NAALADL2: variants seen among roughly 807,000 people sequenced by gnomAD.
The protein encoded by NAALADL2 is inactive N-acetylated-alpha-linked acidic dipeptidase-like protein 2.
NAALADL2 carries 76 observed loss-of-function variants against 87.2 expected under a neutral mutation model. The ratio of observed to expected loss-of-function variants is 0.87; its 90% CI spans 0.72 to 1.05. The LOEUF (loss-of-function observed/expected upper bound fraction) is 1.05. Ranked by LOEUF, NAALADL2 falls within the 50% of genes least tolerant of loss-of-function variation. NAALADL2 has a pLI of 0.00. For synonymous variants in NAALADL2, 354 were observed against 331.0 expected (o/e 1.07, Z -0.75); for missense variants, 1,089 against 945.8 (o/e 1.15, Z -1.99).
At chr3:174,703,956 G>T (rs1729820689) in intron 2 of NAALADL2, among the ~76,000 whole-genome samples, 1 of 152,130 alleles carries the variant, frequency 6.6e-6, no homozygotes, top group African/African-American at 2.4e-5. Context: ...TGAATGCTAA[G>T]TGCTTTACCT....
At chr3:175,069,840 T>G (rs1189339776) in intron 1 of NAALADL2, among the ~76,000 whole-genome samples, 9 of 142,928 alleles carry the variant, frequency 6.3e-5, no homozygotes, top group South Asian at 2.2e-4. Flanking sequence ...CCATAAAAAA[T>G]GATGAGTTCA....
intron 9 of NAALADL2, among the ~76,000 whole-genome samples, chr3:175,504,565 TTCTCTCTCTCTCTCTCTC>T (rs200985901): frequency 0.047 from 6,337 of 134,332 alleles, 191 homozygotes; most frequent in East Asian, 0.081. Flanking sequence ...CTCTCTCTGT[TTCTCTCTCTCTCTCTCTC>T]TCTCTCTCTC....
intron 7 of NAALADL2, 144 bp from the exon 8 acceptor site, chr3:175,466,835 G>T (rs1367924487): frequency 4.5e-6 from 3 of 669,110 alleles, no homozygotes; most frequent in Non-Finnish European, 5.1e-6. Flanking sequence ...AAGACAGTGA[G>T]CAAAAAAATT....
At chr3:175,531,557 C>T (rs4416392) in intron 9 of NAALADL2, among the ~76,000 whole-genome samples, 1 of 152,080 alleles carries the variant, frequency 6.6e-6, no homozygotes, top group South Asian at 2.1e-4. Context: ...AGGTCTCTCT[C>T]AATAAGATTA....
intron 9 of NAALADL2, among the ~76,000 whole-genome samples, chr3:175,480,364 C>T (rs1447553805): frequency 1.3e-5 from 2 of 151,748 alleles, no homozygotes; most frequent in Non-Finnish European, 2.9e-5. Flanking sequence ...ATATCAATGG[C>T]AACCATCTCA....
chr3:175,532,529 C>T (rs1475788788), intron 9 of NAALADL2, among the ~76,000 whole-genome samples: 2 of 152,146 alleles, frequency 1.3e-5, no homozygotes, highest in South Asian at 2.1e-4. Context: ...TTTGTCCATT[C>T]GACCTAGAAG....
At chr3:174,701,190 TTTATAA>T (rs1482031787) in intron 2 of NAALADL2, among the ~76,000 whole-genome samples, 2 of 151,040 alleles carry the variant, frequency 1.3e-5, no homozygotes, top group African/African-American at 4.9e-5. Context: ...ATTTGATAAT[TTTATAA>T]TTATAATATT....
At chr3:175,670,321 G>A (rs1035909714) in intron 11 of NAALADL2, among the ~76,000 whole-genome samples, 2 of 149,926 alleles carry the variant, frequency 1.3e-5, no homozygotes, top group Non-Finnish European at 3.0e-5. Flanking sequence ...GTAAAATAAA[G>A]TTTAAGAATA....
At chr3:175,495,823 A>T (rs28633300) in intron 9 of NAALADL2, among the ~76,000 whole-genome samples, 2 of 152,098 alleles carry the variant, frequency 1.3e-5, no homozygotes, top group Non-Finnish European at 2.9e-5. Context: ...GGTTAATCAC[A>T]AATGTGATTA....
intron 13 of NAALADL2, among the ~76,000 whole-genome samples, chr3:175,775,563 G>A (rs778027474): frequency 6.6e-6 from 1 of 152,038 alleles, no homozygotes; most frequent in Non-Finnish European, 1.5e-5. Flanking sequence ...TAGGCATTAT[G>A]CTTGAAACTA....
rs1729059664 is a variant in NAALADL2, at chr3:174,696,772, C to A, written c.-114-40869C>A. On this transcript the variant is annotated intron_variant, in intron 2 of 3. Coordinates refer to the NAALADL2 transcript ENST00000434257. ...GCTTTCATTTGAAATATAAATATAT[C>A]TGAGAAAAATAATAAACATGCCAGT... 2.0e-5 allele frequency among the ~76,000 whole-genome samples: 3 copies of A among 151,848 alleles called. No homozygotes were observed. In the South Asian group the frequency reaches 6.2e-4, roughly 32 times the overall value.
intron 1 of NAALADL2, among the ~76,000 whole-genome samples, chr3:175,040,529 A>T (rs185581646): frequency 6.6e-6 from 1 of 152,316 alleles, no homozygotes; most frequent in East Asian, 1.9e-4. Flanking sequence ...ACTAATACCC[A>T]GAAGACTTGC....
chr3:174,933,678 C>CTGTA (rs1214969381), intron 1 of NAALADL2, among the ~76,000 whole-genome samples: 1 of 152,136 alleles, frequency 6.6e-6, no homozygotes, highest in African/African-American at 2.4e-5. Context: ...AACCATTTTG[C>CTGTA]TGTATGAGCT....
intron 2 of NAALADL2, among the ~76,000 whole-genome samples, chr3:174,646,885 A>G (rs1723845176): frequency 6.6e-6 from 1 of 152,148 alleles, no homozygotes; most frequent in African/African-American, 2.4e-5. Flanking sequence ...ATTTTAACAT[A>G]AATGTATTGG....
intron 9 of NAALADL2, among the ~76,000 whole-genome samples, chr3:175,536,299 A>T (rs1734806683): frequency 6.6e-6 from 1 of 152,250 alleles, no homozygotes; most frequent in South Asian, 2.1e-4. Flanking sequence ...AAGGGCTGTT[A>T]AACATCGGTT....
intron 3 of NAALADL2, among the ~76,000 whole-genome samples, chr3:174,793,657 G>A (rs2109213542): frequency 6.6e-6 from 1 of 152,014 alleles, no homozygotes; most frequent in Non-Finnish European, 1.5e-5. Context: ...AAACAAAACA[G>A]GACAAAAGTC....
chr3:175,552,563 T>C (rs1351365052), intron 9 of NAALADL2, among the ~76,000 whole-genome samples: 1 of 152,164 alleles, frequency 6.6e-6, no homozygotes, highest in Non-Finnish European at 1.5e-5. Flanking sequence ...AATGTTTCTT[T>C]TTTATAAGAT....
chr3:174,572,083 A>G (rs1171151490), intron 2 of NAALADL2, among the ~76,000 whole-genome samples: 2 of 152,114 alleles, frequency 1.3e-5, no homozygotes, highest in Admixed American at 1.3e-4. Context: ...GTGAACATAT[A>G]TGGATAATTC....
chr3:175,243,779 T>C (rs1336829028), intron 3 of NAALADL2, among the ~76,000 whole-genome samples: 2 of 152,022 alleles, frequency 1.3e-5, no homozygotes, highest in African/African-American at 2.4e-5. Flanking sequence ...TTAATCATAA[T>C]ATTGAAAGGG....
Sources: allele counts gnomAD v4.1 joint callset (sites outside exome capture counted in the v4.1 genomes callset), GRCh38; gene constraint gnomAD v4.1.1; transcripts MANE v1.5; gene names NCBI Gene and HGNC (gene_info 2026-07-23, HGNC 2026-07-21).